ATP5PF: variants seen among roughly 807,000 people sequenced by gnomAD.
The protein encoded by ATP5PF is ATP synthase peripheral stalk subunit F6, also known as ATP synthase peripheral stalk subunit F6, mitochondrial.
A neutral mutation model predicts 12.0 loss-of-function variants in ATP5PF; 7 were observed. The observed-to-expected ratio is 0.58, with a 90% CI of 0.33 to 1.10. The LOEUF (loss-of-function observed/expected upper bound fraction) is 1.10, where lower values mean the gene tolerates loss of function less well. ATP5PF is among the 50% of genes least tolerant of loss of function. The pLI, the probability that ATP5PF is intolerant of heterozygous loss-of-function variation, is 0.03. For synonymous variants in ATP5PF, 41 were observed against 45.4 expected (o/e 0.90, Z 0.39); for missense variants, 120 against 127.7 (o/e 0.94, Z 0.29).
chr21:25,731,357 C>T (rs980560490), intron 1 of ATP5PF, among the ~76,000 whole-genome samples: 55 of 152,168 alleles, frequency 3.6e-4, no homozygotes, highest in African/African-American at 1.2e-3. Context: ...CATATTGGAA[C>T]GGTGACAAAA....
chr21:25,733,009 A>AAAAAAG, intron 1 of ATP5PF, among the ~76,000 whole-genome samples: 1 of 151,036 alleles, frequency 6.6e-6, no homozygotes, highest in Admixed American at 6.6e-5. Flanking sequence ...AAAAAAAAAA[A>AAAAAAG]AAAGAAATCC....
At chr21:25,729,569 C>T (rs1270281156) in intron 2 of ATP5PF, 62 bp downstream of exon 2, 5 of 1,424,626 alleles carry the variant, frequency 3.5e-6, no homozygotes, top group Non-Finnish European at 4.7e-6. Context: ...ATTTTTATTA[C>T]CACCTTGAAA....
chr21:25,734,771 TGA>T, intron 1 of ATP5PF, 80 bp downstream of exon 1: 1 of 1,354,924 alleles, frequency 7.4e-7, no homozygotes, highest in Non-Finnish European at 1.0e-6. Context: ...CTAGTAAAGG[TGA>T]GAGGCAGCCC....
At chr21:25,732,767 CT>C (rs1369884545) in intron 1 of ATP5PF, among the ~76,000 whole-genome samples, 2 of 151,714 alleles carry the variant, frequency 1.3e-5, no homozygotes, top group Non-Finnish European at 2.9e-5. Context: ...GGTGGATCAC[CT>C]GAGGTAGGGA....
At chr21:25,726,871 CA>C (rs1213928209) in intron 2 of ATP5PF, among the ~76,000 whole-genome samples, 1 of 152,168 alleles carries the variant, frequency 6.6e-6, no homozygotes, top group African/African-American at 2.4e-5. Flanking sequence ...TCAAAGTATA[CA>C]GTCTTATTTA....
upstream of ATP5PF, chr21:25,735,359 C>T: frequency 1.4e-5 from 3 of 221,094 alleles, no homozygotes; most frequent in Non-Finnish European, 2.8e-5. Context: ...GCGCACCCTG[C>T]CGGGAGTTGT....
chr21:25,735,170 T>C, upstream of ATP5PF: 1 of 615,950 alleles, frequency 1.6e-6, no homozygotes, highest in South Asian at 1.9e-5. Context: ...TCTGTACGCA[T>C]GCGCTCTTTG....
At chr21:25,734,601 G>A (rs1172287366) in intron 1 of ATP5PF, 1 of 407,418 alleles carries the variant, frequency 2.5e-6, no homozygotes, top group Non-Finnish European at 4.1e-6. Context: ...CGAGACCCCC[G>A]GGCCTCCCTG....
rs2034962043 is a variant in ATP5PF, at chr21:25,734,877, A to C, written c.-32T>G. 3 of 1,547,656 alleles carry C rather than the reference A, an allele frequency of 1.9e-6. No homozygotes were observed. ...CCTTGCACTCAGTCCCGAGCTGCCA[A>C]AGCCTCCGCCGCCACCACCTCCGCT... On this transcript the variant is annotated 5_prime_UTR_variant, in exon 1 of 4. Transcript: ENST00000284971.
chr21:25,725,137 C>T, intron 3 of ATP5PF, 89 bp downstream of exon 3: 1 of 1,495,558 alleles, frequency 6.7e-7, no homozygotes. Flanking sequence ...CATGTCAACA[C>T]TGTCATTCAG....
rs995780508 is a variant in ATP5PF, at chr21:25,734,871, C to G, written c.-26G>C. 7 of 1,545,292 alleles carry G rather than the reference C, an allele frequency of 4.5e-6. No individual in the cohort carries two copies. The African/African-American group carries it at 6.8e-5, about 15-fold the overall frequency. Reference sequence around the variant, plus strand: ...CAGTCACCTTGCACTCAGTCCCGAGCTGCCAAAGCCTCCGCCGCCACCACC... The same window carrying G: ...CAGTCACCTTGCACTCAGTCCCGAGGTGCCAAAGCCTCCGCCGCCACCACC... On this transcript the variant is annotated 5_prime_UTR_variant, in exon 1 of 4. Coordinates refer to ENST00000284971, the MANE Select transcript of ATP5PF (RefSeq NM_001003703.2).
At chr21:25,725,378 T>A in intron 2 of ATP5PF, 28 bp from the exon 3 acceptor site, 1 of 1,549,162 alleles carries the variant, frequency 6.5e-7, no homozygotes, top group Non-Finnish European at 8.7e-7. Context: ...AAACAAAAAT[T>A]AATTTTGTGT....
At chr21:25,734,225 G>A (rs1208333037) in intron 1 of ATP5PF, 12 of 693,112 alleles carry the variant, frequency 1.7e-5, no homozygotes, top group Non-Finnish European at 2.0e-5. Context: ...ATATGATAGC[G>A]TCTGACATGA....
chr21:25,726,697 A>G (rs992532858), intron 2 of ATP5PF, among the ~76,000 whole-genome samples: 20 of 152,202 alleles, frequency 1.3e-4, no homozygotes, highest in African/African-American at 4.8e-4. Flanking sequence ...AGCATTATGG[A>G]CCAGCAGCAG....
rs752144423 is a variant in ATP5PF, at chr21:25,725,333, A to G, written c.182T>C (p.Val61Ala). 3 of 1,605,318 alleles carry G rather than the reference A, an allele frequency of 1.9e-6. No homozygotes were observed. Among genetic ancestry groups the G allele is most frequent in the Non-Finnish European group, 2.5e-6 (3 of 1,178,244 alleles). ...TTGCTGATACTCTGAACTAGCATCA[A>G]CAGGTCCTCCAGATGTCCTGTTAAG... The part of the protein sequence containing the change: ...KSKRQTSGGP[V>A]DASSEYQQEL... Residue 61 changes from valine to alanine, a missense_variant, in exon 3 of 4, where the codon GTT becomes GCT. Coordinates refer to ENST00000284971, the MANE Select transcript of ATP5PF (RefSeq NM_001003703.2).
chr21:25,725,484 G>T, intron 2 of ATP5PF, 134 bp from the exon 3 acceptor site: 1 of 1,021,152 alleles, frequency 9.8e-7, no homozygotes, highest in Non-Finnish European at 1.4e-6. Context: ...TTGGTCGCCA[G>T]GCTGGAGTGC....
At chr21:25,733,878 G>T (rs1442040465) in intron 1 of ATP5PF, among the ~76,000 whole-genome samples, 1 of 152,178 alleles carries the variant, frequency 6.6e-6, no homozygotes, top group Non-Finnish European at 1.5e-5. Context: ...TGCAACACGG[G>T]TAAAATCCAC....
intron 2 of ATP5PF, among the ~76,000 whole-genome samples, chr21:25,726,138 C>A (rs2034613215): frequency 6.6e-6 from 1 of 152,222 alleles, no homozygotes; most frequent in African/African-American, 2.4e-5. Flanking sequence ...GTGCCTGGCA[C>A]ACAGTGAGTA....
intron 2 of ATP5PF, among the ~76,000 whole-genome samples, chr21:25,729,204 G>A (rs1317985473): frequency 6.6e-6 from 1 of 152,148 alleles, no homozygotes; most frequent in East Asian, 1.9e-4. Context: ...GTCACAGAAA[G>A]GCCACTAAAT....
Sources: allele counts gnomAD v4.1 joint callset (sites outside exome capture counted in the v4.1 genomes callset), GRCh38; gene constraint gnomAD v4.1.1; transcripts MANE v1.5; gene names NCBI Gene and HGNC (gene_info 2026-07-23, HGNC 2026-07-21).